FOXP2: variants seen among roughly 807,000 people sequenced by gnomAD.
FOXP2 encodes the protein forkhead box P2.
A neutral mutation model predicts 115.8 loss-of-function variants in FOXP2; 12 were observed. The observed-to-expected ratio is 0.10, with a 90% CI of 0.07 to 0.17. The LOEUF (loss-of-function observed/expected upper bound fraction) is 0.17, where lower values mean the gene tolerates loss of function less well. FOXP2 is among the 10% of genes least tolerant of loss of function. The pLI is 1.00. For synonymous variants in FOXP2, 328 were observed against 297.7 expected, an observed-to-expected ratio of 1.10 and a Z score of -1.05; for missense variants, 629 against 843.5, an observed-to-expected ratio of 0.75 and a Z score of 3.15.
intron 1 of FOXP2, among the ~76,000 whole-genome samples, chr7:114,099,930 A>C (rs969860485): frequency 3.3e-5 from 5 of 152,338 alleles, no homozygotes; most frequent in African/African-American, 1.2e-4. Flanking sequence ...AGCAAATCAA[A>C]ATTGATGACT....
At chr7:114,672,339 C>A (rs1378020902) in intron 16 of FOXP2, among the ~76,000 whole-genome samples, 4 of 152,138 alleles carry the variant, frequency 2.6e-5, no homozygotes, top group Non-Finnish European at 2.9e-5. Flanking sequence ...AATCCCAGCA[C>A]TTTGGGAGGC....
intron 1 of FOXP2, among the ~76,000 whole-genome samples, chr7:114,111,390 C>T (rs1308810253): frequency 1.3e-5 from 2 of 152,040 alleles, no homozygotes; most frequent in African/African-American, 2.4e-5. Context: ...CCCTACCTGC[C>T]CCACCAGCTG....
chr7:114,212,236 T>G (rs1276461851), intron 1 of FOXP2, among the ~76,000 whole-genome samples: 1 of 151,988 alleles, frequency 6.6e-6, no homozygotes, highest in Non-Finnish European at 1.5e-5. Flanking sequence ...GTTTTGTGTG[T>G]GTTCTGCTTT....
At chr7:114,192,207 T>G (rs546704905) in intron 1 of FOXP2, among the ~76,000 whole-genome samples, 37 of 152,178 alleles carry the variant, frequency 2.4e-4, no homozygotes, top group Non-Finnish European at 4.4e-4. Flanking sequence ...GGATGGTCTC[T>G]ATCTCTTGAC....
Position 114,460,161 on chromosome 7 carries a change from G to C in FOXP2, c.168+33482G>C, listed in dbSNP as rs73208658. 1.0e-3 allele frequency among the ~76,000 whole-genome samples: 159 copies of C among 152,128 alleles called. 1 individual carries two copies. The highest frequency in any genetic ancestry group is 1.7e-3 in the Non-Finnish European group (115 of 68,002). Reference sequence around the variant, plus strand: ...ATTCACTCAACAAATAATTTATTGAGCTCCTGCGAGGTGTCATGTATTATG... The same window carrying C: ...ATTCACTCAACAAATAATTTATTGACCTCCTGCGAGGTGTCATGTATTATG... On this transcript the variant is annotated intron_variant, in intron 2 of 16. Coordinates refer to ENST00000350908, the MANE Select transcript of FOXP2 (RefSeq NM_014491.4).
chr7:114,684,176 T>C lies in FOXP2; in HGVS notation c.2004-5606T>C, dbSNP rs538817484. On this transcript the variant is annotated intron_variant, in intron 16 of 16. Coordinates refer to ENST00000350908, the MANE Select transcript of FOXP2 (RefSeq NM_014491.4). Reference sequence around the variant, plus strand: ...GCTTGTTTCTAAATAATACATCCTATTTGTTATTCCTCTTTATCAAGAACT... The same window carrying C: ...GCTTGTTTCTAAATAATACATCCTACTTGTTATTCCTCTTTATCAAGAACT... Among the ~76,000 whole-genome samples the C allele has an allele frequency of 2.6e-5, 4 of 152,316 alleles. No homozygotes were observed. The East Asian group carries it at 7.7e-4, about 29-fold the overall frequency.
At chr7:114,518,979 C>A (rs1463458675) in intron 2 of FOXP2, among the ~76,000 whole-genome samples, 2 of 152,146 alleles carry the variant, frequency 1.3e-5, no homozygotes, top group African/African-American at 4.8e-5. Context: ...CTATTCTACT[C>A]CACCATTCTC....
intron 2 of FOXP2, among the ~76,000 whole-genome samples, chr7:114,449,192 A>G (rs1181296677): frequency 6.6e-6 from 1 of 152,038 alleles, no homozygotes; most frequent in Non-Finnish European, 1.5e-5. Context: ...TAAAAAATAT[A>G]TTTTAGGAAT....
intron 1 of FOXP2, among the ~76,000 whole-genome samples, chr7:114,142,111 C>T (rs2129147200): frequency 6.6e-6 from 1 of 152,226 alleles, no homozygotes; most frequent in South Asian, 2.1e-4. Flanking sequence ...CAACCTCCGT[C>T]TTCAGGTTTC....
chr7:114,401,182 A>G (rs1792879598), intron 2 of FOXP2, among the ~76,000 whole-genome samples: 1 of 152,144 alleles, frequency 6.6e-6, no homozygotes, highest in African/African-American at 2.4e-5. Flanking sequence ...TGGGCCTAGA[A>G]GAAGCTTCAT....
chr7:114,102,985 A>G (rs1449634994), intron 1 of FOXP2, among the ~76,000 whole-genome samples: 1 of 152,104 alleles, frequency 6.6e-6, no homozygotes, highest in East Asian at 1.9e-4. Flanking sequence ...TGGTATCATT[A>G]GTATTACAAT....
At chr7:114,352,996 C>T (rs916861102) in intron 2 of FOXP2, among the ~76,000 whole-genome samples, 1 of 151,998 alleles carries the variant, frequency 6.6e-6, no homozygotes, top group Admixed American at 6.6e-5. Context: ...GATTTCTTAC[C>T]CTGTCTGTAA....
At chr7:114,321,287 C>T (rs1435347723) in intron 2 of FOXP2, among the ~76,000 whole-genome samples, 2 of 151,878 alleles carry the variant, frequency 1.3e-5, no homozygotes, top group African/African-American at 4.8e-5. Context: ...CAACCTCTGC[C>T]TCCTGGGTTC....
chr7:114,344,619 T>C (rs1791295375), intron 2 of FOXP2, among the ~76,000 whole-genome samples: 1 of 151,892 alleles, frequency 6.6e-6, no homozygotes, highest in Non-Finnish European at 1.5e-5. Context: ...CTTTCTCAGA[T>C]TGACCGTAGA....
At chr7:114,231,344 C>T (rs140839044) in intron 1 of FOXP2, among the ~76,000 whole-genome samples, 22 of 152,218 alleles carry the variant, frequency 1.4e-4, no homozygotes, top group Non-Finnish European at 2.8e-4. Context: ...AATCCCAATG[C>T]ATTTGTTACA....
chr7:114,514,164 T>TTG (rs1348950884), intron 2 of FOXP2, among the ~76,000 whole-genome samples: 1 of 151,980 alleles, frequency 6.6e-6, no homozygotes, highest in African/African-American at 2.4e-5. Context: ...CAAAGTTATA[T>TTG]TGTATATATA....
At chr7:114,273,238 T>C (rs1330744196) in intron 1 of FOXP2, among the ~76,000 whole-genome samples, 4 of 152,144 alleles carry the variant, frequency 2.6e-5, no homozygotes. Context: ...CTCTACATAT[T>C]TTGGGAATTT....
At chr7:114,498,544 A>G (rs573185331) in intron 2 of FOXP2, among the ~76,000 whole-genome samples, 68 of 152,344 alleles carry the variant, frequency 4.5e-4, no homozygotes, top group South Asian at 1.2e-3. Flanking sequence ...GGTCAGATTG[A>G]GGAACAACAC....
chr7:114,336,045 A>C (rs1797846499), intron 2 of FOXP2, among the ~76,000 whole-genome samples: 2 of 151,722 alleles, frequency 1.3e-5, no homozygotes, highest in South Asian at 4.1e-4. Flanking sequence ...GAGTGTGGTA[A>C]AAAAGATACA....
Sources: gnomAD v4.1 joint callset for allele counts (sites outside exome capture counted in the v4.1 genomes callset) on GRCh38, gnomAD v4.1.1 for gene constraint, MANE v1.5 for transcripts, NCBI Gene and HGNC (gene_info 2026-07-23, HGNC 2026-07-21) for gene names.